The following KCTD18 variants were observed in gnomAD, a reference collection of about 807,000 sequenced individuals.
KCTD18 encodes BTB/POZ domain-containing protein KCTD18.
Under a neutral mutation model 30.4 loss-of-function variants are expected in KCTD18, and 22 were observed. The observed-to-expected ratio is 0.72, with a 90% confidence interval of 0.52 to 1.03. The LOEUF (loss-of-function observed/expected upper bound fraction) is 1.03, where lower values mean the gene tolerates loss of function less well. Ranked by LOEUF, KCTD18 falls within the 50% of genes least tolerant of loss-of-function variation. The pLI, the probability that KCTD18 is intolerant of heterozygous loss-of-function variation, is 0.00. For missense variants in KCTD18, 529 were observed against 547.6 expected (o/e 0.97, Z 0.34); for synonymous variants, 186 against 209.0 (o/e 0.89, Z 0.95).
chr2:200,506,955 C>A lies in KCTD18; in HGVS notation c.62G>T (p.Cys21Phe). ...GGACTCCCGCCGGGCTGTGTAAATACAGCCACCCACGTTCAGTCGGAGAAC... is the reference window on the plus strand; with the variant it reads ...GGACTCCCGCCGGGCTGTGTAAATAAAGCCACCCACGTTCAGTCGGAGAAC... ...LDVLRLNVGG[C>F]IYTARRESLC... The change falls in exon 2 of 7, where the codon TGT becomes TTT. Residue 21 changes from cysteine to phenylalanine, a missense_variant. Coordinates refer to ENST00000359878, the MANE Select transcript of KCTD18 (RefSeq NM_152387.4). The A allele has an allele frequency of 1.9e-6, 3 of 1,613,944 alleles. No individual in the cohort carries two copies. Among genetic ancestry groups the A allele is most frequent in the Non-Finnish European group, 2.5e-6 (3 of 1,179,916 alleles).
At chr2:200,507,303 C>T (rs2030255465) in intron 1 of KCTD18, among the ~76,000 whole-genome samples, 1 of 152,192 alleles carries the variant, frequency 6.6e-6, no homozygotes, top group Non-Finnish European at 1.5e-5. Context: ...AAACGACTAA[C>T]AACCCAATCA....
chr2:200,490,921 G>A (rs1322619706), intron 6 of KCTD18, among the ~76,000 whole-genome samples: 1 of 152,164 alleles, frequency 6.6e-6, no homozygotes, highest in Non-Finnish European at 1.5e-5. Context: ...GTATCATGAT[G>A]TGACCTACGG....
chr2:200,507,379 G>C (rs1420526153), intron 1 of KCTD18, among the ~76,000 whole-genome samples: 2 of 152,184 alleles, frequency 1.3e-5, no homozygotes, highest in East Asian at 1.9e-4. Flanking sequence ...CAAAGGAGAG[G>C]CCTGCTTATG....
rs375005554 is a variant in KCTD18, at chr2:200,497,733, A to G, written c.661+20T>C. On this transcript the variant is annotated intron_variant, in intron 5 of 6. Transcript: ENST00000359878. ...TTTAAAGTCCACCTGCTTCCATGAA[A>G]TAAAAGAATTGCACTGTACCTTTTC... 1 of 1,531,816 alleles carries G rather than the reference A, an allele frequency of 6.5e-7. No individual in the cohort carries two copies. The highest frequency in any genetic ancestry group is 1.4e-5 in the African/African-American group (1 of 73,154). The allele number at this position is 1,531,816 out of a possible 1,614,324, so 94.9% of individuals were successfully genotyped here.
chr2:200,490,673 A>G, intron 6 of KCTD18, 57 bp from the exon 7 acceptor site: 1 of 1,497,404 alleles, frequency 6.7e-7, no homozygotes, highest in Non-Finnish European at 8.9e-7. Flanking sequence ...ACTCATGAAA[A>G]CATCTCCCAA....
intron 6 of KCTD18, among the ~76,000 whole-genome samples, chr2:200,491,401 T>C (rs2106275437): frequency 6.6e-6 from 1 of 152,368 alleles, no homozygotes; most frequent in East Asian, 1.9e-4. Context: ...TTACCCAGCC[T>C]GATAGTCCTT....
At chr2:200,495,658 G>A (rs1229707951) in intron 5 of KCTD18, among the ~76,000 whole-genome samples, 3 of 151,558 alleles carry the variant, frequency 2.0e-5, no homozygotes, top group East Asian at 3.9e-4. Flanking sequence ...AAGCTGAACC[G>A]CCTGCCACGT....
rs746126584 is a variant in KCTD18 at position 200,506,958 on chromosome 2, C to G, written c.59G>C (p.Gly20Ala). 1 of 1,613,876 alleles carries G rather than the reference C, an allele frequency of 6.2e-7. No individual in the cohort carries two copies. The highest frequency in any genetic ancestry group is 1.1e-5 in the South Asian group (1 of 91,030). Residue 20 changes from glycine (G) to alanine (A), a missense_variant, in exon 2 of 7, where the codon GGC becomes GCC. By Grantham distance (60) the Gly-to-Ala change is moderately conservative. Coordinates refer to ENST00000359878, the MANE Select transcript of KCTD18 (RefSeq NM_152387.4). ...VLDVLRLNVGGCIYTARRESL... is the reference protein window; with the variant it reads ...VLDVLRLNVGACIYTARRESL... ...CTCCCGCCGGGCTGTGTAAATACAG[C>G]CACCCACGTTCAGTCGGAGAACATC...
chr2:200,493,418 G>A (rs1049295882), intron 5 of KCTD18, 144 bp from the exon 6 acceptor site: 26 of 611,452 alleles, frequency 4.3e-5, no homozygotes, highest in East Asian at 8.3e-5. Flanking sequence ...AACAGGAAGC[G>A]CTCACACGAG....
rs767391260 is a variant in KCTD18, at chr2:200,490,121, G to T, written c.1260C>A (p.Asn420Lys). The T allele has an allele frequency of 1.3e-6, 2 of 1,584,180 alleles. No individual in the cohort carries two copies. The highest frequency in any genetic ancestry group is 1.7e-6 in the Non-Finnish European group (2 of 1,159,842). Residue 420 changes from asparagine to lysine, a missense_variant, in exon 7 of 7, where the codon AAC becomes AAA. By Grantham distance (94) the Asn-to-Lys change is moderately conservative (BLOSUM62 0). Transcript: ENST00000359878. ...AARALGVRTE[N>K]GKNKGN ...TTCATCAATTTCCCTTGTTCTTCCCGTTCTCAGTCCGCACTCCCAAGGCAC... is the reference window on the plus strand; with the variant it reads ...TTCATCAATTTCCCTTGTTCTTCCCTTTCTCAGTCCGCACTCCCAAGGCAC...
intron 1 of KCTD18, among the ~76,000 whole-genome samples, chr2:200,508,484 G>C (rs965175552): frequency 1.3e-5 from 2 of 152,146 alleles, no homozygotes; most frequent in African/African-American, 4.8e-5. Flanking sequence ...AAACAATACT[G>C]TGATGAAAAA....
chr2:200,506,942 G>A lies in KCTD18; in HGVS notation c.75C>T (p.Ala25=), dbSNP rs2030233146. ...RLNVGGCIYT[A]RRESLCRFKD... is the part of the protein sequence containing the mutation. The stretch of plus-strand genomic sequence containing the variant: ...TGAAGCGGCACAAGGACTCCCGCCG[G>A]GCTGTGTAAATACAGCCACCCACGT... Residue 25 remains alanine (A), a synonymous_variant, in exon 2 of 7, where the codon GCC becomes GCT. Coordinates refer to ENST00000359878, the MANE Select transcript of KCTD18 (RefSeq NM_152387.4). The A allele has an allele frequency of 8.1e-6, 13 of 1,613,926 alleles. No individual in the cohort carries two copies. Among genetic ancestry groups the A allele is most frequent in the Non-Finnish European group, 1.1e-5 (13 of 1,179,926 alleles).
intron 2 of KCTD18, 22 bp downstream of exon 2, chr2:200,506,835 C>G (rs542470501): frequency 1.7e-5 from 27 of 1,608,892 alleles, no homozygotes; most frequent in Non-Finnish European, 2.2e-5. Flanking sequence ...TCAGATCATG[C>G]TTTCAGACTT....
In KCTD18 at chr2:200,506,884, G is replaced by A. The variant is rs770190157; in HGVS notation, c.133C>T (p.Arg45Cys). 6.2e-6 allele frequency: 10 copies of A among 1,613,616 alleles called. No homozygotes were observed. Among genetic ancestry groups the A allele is most frequent in the East Asian group, 2.2e-5 (1 of 44,874 alleles). ...GACTCATCTGTTTTTAGAGGAAAGC[G>A]ACCACTGAACATAGATGCCAACATG... ...DSMLASMFSG[R>C]FPLKTDESGA... The change falls in exon 2 of 7, where the codon CGC becomes TGC. Residue 45 changes from arginine (R) to cysteine (C), a missense_variant. By Grantham distance (180) the Arg-to-Cys change is radical (BLOSUM62 -3). Transcript: ENST00000359878.
In KCTD18 at chr2:200,504,957, C is replaced by G. The variant is rs1298590587; in HGVS notation, c.163G>C (p.Ala55Pro). The G allele has an allele frequency of 6.2e-7, 1 of 1,611,612 alleles. No individual in the cohort carries two copies. Among genetic ancestry groups the G allele is most frequent in the African/African-American group, 1.3e-5 (1 of 74,820 alleles). Residue 55 changes from alanine (A) to proline (P), a missense_variant and splice_region_variant, in exon 3 of 7, where the codon GCT becomes CCT. Physicochemically the swap from Ala to Pro is conservative, Grantham distance 27. Coordinates refer to ENST00000359878, the MANE Select transcript of KCTD18 (RefSeq NM_152387.4). The stretch of plus-strand genomic sequence containing the variant: ...CGTCCATCACGGTCAATAACACAAG[C>G]CCCTAGAAAACATTCAGTTCAAAAA... ...RFPLKTDESGACVIDRDGRLF... is the reference protein window; with the variant it reads ...RFPLKTDESGPCVIDRDGRLF...
At chr2:200,494,518 C>A (rs551915187) in intron 5 of KCTD18, among the ~76,000 whole-genome samples, 2 of 152,214 alleles carry the variant, frequency 1.3e-5, no homozygotes, top group South Asian at 2.1e-4. Flanking sequence ...ATTTAGCAAG[C>A]TGGGCATATA....
At chr2:200,499,288 C>CA (rs1207891174) in intron 3 of KCTD18, among the ~76,000 whole-genome samples, 2 of 152,144 alleles carry the variant, frequency 1.3e-5, no homozygotes, top group Non-Finnish European at 2.9e-5. Context: ...AGGACAATCA[C>CA]AAAAAATACC....
intron 5 of KCTD18, 82 bp from the exon 6 acceptor site, chr2:200,493,356 A>C: frequency 1.2e-6 from 1 of 837,522 alleles, no homozygotes; most frequent in East Asian, 2.4e-5. Flanking sequence ...AAGACCTGCC[A>C]GAGTCTGAGG....
intron 5 of KCTD18, among the ~76,000 whole-genome samples, chr2:200,494,162 A>G (rs531790254): frequency 3.3e-5 from 5 of 152,346 alleles, no homozygotes; most frequent in South Asian, 4.1e-4. Flanking sequence ...AAGAGTAGGT[A>G]AATCCATTGA....
Sources: gnomAD v4.1 joint callset for allele counts (sites outside exome capture counted in the v4.1 genomes callset) on GRCh38, gnomAD v4.1.1 for gene constraint, MANE v1.5 for transcripts, NCBI Gene and HGNC (gene_info 2026-07-23, HGNC 2026-07-21) for gene names.